GPI: variants seen among roughly 807,000 people sequenced by gnomAD.
GPI encodes the protein D-hexose-6-phosphate anomerase.
Under a neutral mutation model 75.8 loss-of-function variants are expected in GPI, and 56 were observed. That is an observed-to-expected ratio of 0.74 (90% CI 0.60 to 0.92). The LOEUF (loss-of-function observed/expected upper bound fraction) is 0.92, where lower values mean the gene tolerates loss of function less well. Ranked by LOEUF, GPI falls within the 40% of genes least tolerant of loss-of-function variation. The pLI is 0.00. For missense variants in GPI, 638 were observed against 741.0 expected (o/e 0.86, Z 1.61); for synonymous variants, 288 against 285.4 (o/e 1.01, Z -0.09).
intron 9 of GPI, among the ~76,000 whole-genome samples, chr19:34,388,001 C>G (rs2074763709): frequency 6.6e-6 from 1 of 152,134 alleles, no homozygotes; most frequent in African/African-American, 2.4e-5. Flanking sequence ...CTGGGTCTGC[C>G]TGGTGATGTC....
intron 4 of GPI, among the ~76,000 whole-genome samples, chr19:34,372,616 C>T (rs542805079): frequency 2.4e-4 from 36 of 152,074 alleles, no homozygotes; most frequent in Non-Finnish European, 1.6e-4. Context: ...CATTCCAGGT[C>T]GAGCAACAGA....
upstream of GPI, chr19:34,365,050 A>G: frequency 6.7e-7 from 1 of 1,487,622 alleles, no homozygotes. Flanking sequence ...GCCCCAGATC[A>G]GCGGCCGCGG....
At chr19:34,371,019 C>T (rs1029412025) in intron 4 of GPI, among the ~76,000 whole-genome samples, 1 of 152,218 alleles carries the variant, frequency 6.6e-6, no homozygotes, top group Non-Finnish European at 1.5e-5. Context: ...CGGGGCCTTT[C>T]CAGCCATCTG....
At chr19:34,379,937 A>T (rs2074616810) in intron 8 of GPI, 1 of 327,774 alleles carries the variant, frequency 3.1e-6, no homozygotes, top group African/African-American at 2.2e-5. Flanking sequence ...AAGGACATAA[A>T]GCCCCAATGA....
At position 34,401,026 on chromosome 19, in the gene GPI, CATT is replaced by C; in HGVS notation, c.*991_*993del. On this transcript the variant is annotated 3_prime_UTR_variant, in exon 18 of 18. Coordinates refer to ENST00000356487, the MANE Select transcript of GPI (RefSeq NM_000175.5). Reference sequence around the variant, plus strand: ...CAGGTATGAGCCACCACGCCCGGCCCATTTTTTTTTTTTTTTTGACAACTTTTT... The same window carrying C: ...CAGGTATGAGCCACCACGCCCGGCCCTTTTTTTTTTTTTTGACAACTTTTT... 1 of 156,828 alleles carries C rather than the reference CATT, an allele frequency of 6.4e-6. No homozygotes were observed. Among genetic ancestry groups the C allele is most frequent in the Non-Finnish European group, 1.3e-5 (1 of 75,224 alleles). The allele number at this position is 156,828 out of a possible 1,614,324, so 9.7% of individuals were successfully genotyped here.
intron 4 of GPI, among the ~76,000 whole-genome samples, chr19:34,373,959 T>C (rs2074493671): frequency 1.3e-5 from 2 of 152,078 alleles, no homozygotes; most frequent in Non-Finnish European, 2.9e-5. Flanking sequence ...ATTCACATTC[T>C]TTCTTTTTTT....
At chr19:34,368,743 G>A in intron 4 of GPI, 41 bp downstream of exon 4, 1 of 1,613,494 alleles carries the variant, frequency 6.2e-7, no homozygotes, top group Non-Finnish European at 8.5e-7. Flanking sequence ...GGCCGTGTGT[G>A]TGAGTTATTT....
rs537943038 is a variant in GPI at position 34,399,973 on chromosome 19, C to T, written c.1614C>T (p.His538=). 6.8e-6 allele frequency: 11 copies of T among 1,613,866 alleles called. No homozygotes were observed. Among genetic ancestry groups the T allele is most frequent in the African/African-American group, 6.7e-5 (5 of 75,024 alleles). Residue 538 remains histidine (H), a synonymous_variant, in exon 18 of 18, where the codon CAC becomes CAT. Transcript: ENST00000356487. ...ATGGCAGTGCTCAAGTGACCTCTCA[C>T]GACGCTTCTACCAATGGGCTCATCA... The part of the protein sequence containing the change: ...ELDGSAQVTS[H]DASTNGLINF...
chr19:34,368,611 G>C lies in GPI; in HGVS notation c.311G>C (p.Arg104Pro). The C allele has an allele frequency of 6.2e-7, 1 of 1,614,098 alleles. No individual in the cohort carries two copies. The highest frequency in any genetic ancestry group is 1.6e-4 in the Middle Eastern group (1 of 6,062). Residue 104 changes from arginine to proline, a missense_variant, in exon 4 of 18, where the codon CGG (arginine) becomes CCG (proline). Transcript: ENST00000356487. ...CGAGCCGTGCTGCACGTGGCTCTGCGGAACCGGTCAAACACACCCATCCTG... is the reference window on the plus strand; with the variant it reads ...CGAGCCGTGCTGCACGTGGCTCTGCCGAACCGGTCAAACACACCCATCCTG... Reference protein sequence around the residue: ...EGRAVLHVALRNRSNTPILVD... With the variant: ...EGRAVLHVALPNRSNTPILVD...
At chr19:34,399,386 G>A in intron 15 of GPI, 51 bp downstream of exon 15, 1 of 1,612,770 alleles carries the variant, frequency 6.2e-7, no homozygotes, top group South Asian at 1.1e-5. Flanking sequence ...TTGGAGGTGT[G>A]AAGCTATGGC....
chr19:34,368,849 C>T (rs1193543801), intron 4 of GPI, 147 bp downstream of exon 4: 27 of 877,114 alleles, frequency 3.1e-5, no homozygotes, highest in East Asian at 1.8e-4. Flanking sequence ...CCTGTGTGAT[C>T]GCTGACCCTG....
chr19:34,398,468 A>C (rs1373011586), intron 14 of GPI: 1 of 151,716 alleles, frequency 6.6e-6, no homozygotes. Context: ...TTTCCTCCTT[A>C]GGATCTTAGT....
chr19:34,369,726 C>T (rs1210948638), intron 4 of GPI, among the ~76,000 whole-genome samples: 2 of 149,636 alleles, frequency 1.3e-5, no homozygotes, highest in African/African-American at 2.5e-5. Context: ...AAAATTTCCT[C>T]ATCCCCATTC....
chr19:34,388,145 T>C (rs2074765649), intron 9 of GPI, among the ~76,000 whole-genome samples: 1 of 152,128 alleles, frequency 6.6e-6, no homozygotes, highest in African/African-American at 2.4e-5. Flanking sequence ...GCATCCAAGA[T>C]GGCATTGTGC....
intron 8 of GPI, 119 bp from the exon 9 acceptor site, chr19:34,381,347 C>T: frequency 1.3e-6 from 1 of 787,744 alleles, no homozygotes; most frequent in Non-Finnish European, 2.3e-6. Flanking sequence ...CCATCCCTGG[C>T]TCTGGGGAAG....
rs2075026929 is a variant in GPI, at chr19:34,401,848, T to G, written c.*1812T>G. 6.6e-6 allele frequency: 1 copy of G among 152,140 alleles called. No homozygotes were observed. Among genetic ancestry groups the G allele is most frequent in the South Asian group, 2.1e-4 (1 of 4,828 alleles). 9.4% of individuals were successfully genotyped at this position (152,140 alleles called of 1,614,324 possible). On this transcript the variant is annotated 3_prime_UTR_variant, in exon 18 of 18. Transcript: ENST00000356487. ...TTCTTTTTTGAGAGTCTTGCTTTGT[T>G]GCCCAGGCTGGAGTGCAGTGGTGTG...
chr19:34,393,769 A>C lies in GPI; in HGVS notation c.907A>C (p.Met303Leu), dbSNP rs143733383. 4.3e-4 allele frequency: 696 copies of C among 1,612,894 alleles called. 1 individual carries two copies. In the African/African-American group the frequency reaches 6.0e-3, roughly 14 times the overall value. Residue 303 changes from methionine to leucine, a missense_variant and splice_region_variant, in exon 11 of 18, where the codon ATG becomes CTG. Physicochemically the swap from Met to Leu is conservative, Grantham distance 15. Coordinates refer to ENST00000356487, the MANE Select transcript of GPI (RefSeq NM_000175.5). The surrounding 1 kb of genome is among the most constrained non-coding windows in gnomAD (Gnocchi z 4.4). ...GCAGCTGCTCTCGGGGGCTCACTGG[A>C]TGGTGAGTGCTGAGGCTGGTTCTCT... ...FEQLLSGAHW[M>L]DQHFRTTPLE...
intron 14 of GPI, among the ~76,000 whole-genome samples, chr19:34,396,903 C>T (rs8191423): frequency 1.3e-3 from 201 of 152,278 alleles, no homozygotes; most frequent in African/African-American, 4.5e-3. Context: ...CTTCCCCTCC[C>T]GGCCTCAAGT....
intron 9 of GPI, among the ~76,000 whole-genome samples, chr19:34,391,599 A>T (rs2074836015): frequency 2.3e-3 from 1 of 442 alleles, no homozygotes; most frequent in Non-Finnish European, 5.3e-3. Flanking sequence ...AGCAGGTAGG[A>T]TGTGTCCCTG....
Sources: gnomAD v4.1 joint callset for allele counts (sites outside exome capture counted in the v4.1 genomes callset) on GRCh38, gnomAD v4.1.1 for gene constraint, Gnocchi (gnomAD v3.1) non-coding constraint, MANE v1.5 for transcripts, NCBI Gene and HGNC (gene_info 2026-07-23, HGNC 2026-07-21) for gene names.